Variants in NTM observed in about 807,000 individuals in gnomAD.
The protein encoded by NTM is neurotrimin.
Under a neutral mutation model 42.1 loss-of-function variants are expected in NTM, and 13 were observed. That is an observed-to-expected ratio of 0.31 (90% CI 0.20 to 0.49). The LOEUF (loss-of-function observed/expected upper bound fraction) is 0.49. NTM is among the 20% of genes least tolerant of loss of function. NTM has a pLI of 0.99. For synonymous variants in NTM, 187 were observed against 179.2 expected (o/e 1.04, Z -0.35); for missense variants, 373 against 452.8 (o/e 0.82, Z 1.60).
At chr11:131,615,568 T>C (rs149749940) in intron 1 of NTM, among the ~76,000 whole-genome samples, 2,140 of 152,158 alleles carry the variant, frequency 0.014, 56 homozygotes, top group African/African-American at 0.049. Context: ...TGGGATTTGA[T>C]CTTGTTGGCC....
At chr11:131,998,144 C>T (rs1197093830) in intron 2 of NTM, among the ~76,000 whole-genome samples, 4 of 152,082 alleles carry the variant, frequency 2.6e-5, no homozygotes, top group Non-Finnish European at 4.4e-5. Flanking sequence ...CCTGGTTTTA[C>T]GGGGTCATAA....
rs769740331 is a variant in NTM, at chr11:131,424,600, C to CTTTTTTTTTTTT, written c.82+53719_82+53730dup. Among the ~76,000 whole-genome samples, 107 of 55,994 alleles carry CTTTTTTTTTTTT rather than the reference C, an allele frequency of 1.9e-3. 6 individuals are homozygous for CTTTTTTTTTTTT. Among genetic ancestry groups the CTTTTTTTTTTTT allele is most frequent in the Admixed American group, 2.2e-3 (9 of 4,000 alleles). 36.7% of individuals were successfully genotyped at this position (55,994 alleles called of 152,430 possible). A position where few individuals can be genotyped will look rare whatever the true frequency, so the allele number is the denominator to read the frequency against. ...AGTTGTTTTTTATTTCTTTTCTTTT[C>CTTTTTTTTTTTT]TTTTTTTTTTTTTTTTTTGGCGCAA... is the stretch of plus-strand genomic sequence containing the variant. On this transcript the variant is annotated intron_variant, in intron 1 of 8. Coordinates refer to ENST00000683400, the MANE Select transcript of NTM (RefSeq NM_001352005.2).
At chr11:131,976,623 T>C (rs1853250664) in intron 2 of NTM, among the ~76,000 whole-genome samples, 1 of 152,204 alleles carries the variant, frequency 6.6e-6, no homozygotes, top group African/African-American at 2.4e-5. Flanking sequence ...CAGTCATAAC[T>C]GAAATCACAA....
At chr11:131,487,795 A>G (rs1183405703) in intron 1 of NTM, among the ~76,000 whole-genome samples, 3 of 152,196 alleles carry the variant, frequency 2.0e-5, no homozygotes, top group Admixed American at 1.3e-4. Flanking sequence ...CCATGGAGGA[A>G]GGTCCGCCTG....
At chr11:131,442,624 C>T (rs755261011) in intron 1 of NTM, among the ~76,000 whole-genome samples, 6 of 152,064 alleles carry the variant, frequency 3.9e-5, no homozygotes, top group Non-Finnish European at 5.9e-5. Flanking sequence ...TCTTTATGTC[C>T]ATGTGTACCC....
intron 1 of NTM, among the ~76,000 whole-genome samples, chr11:131,424,600 CTTTTTTTTT>C (rs769740331): frequency 3.0e-4 from 17 of 56,040 alleles, no homozygotes; most frequent in African/African-American, 1.2e-3. Context: ...CTTTTCTTTT[CTTTTTTTTT>C]TTTTTTTTTG....
chr11:132,219,679 T>C (rs143413137), intron 4 of NTM, among the ~76,000 whole-genome samples: 23 of 152,070 alleles, frequency 1.5e-4, no homozygotes, highest in African/African-American at 5.5e-4. Flanking sequence ...CTTTAGACTC[T>C]GTGAAATAGA....
At chr11:131,987,982 A>G (rs1237809007) in intron 2 of NTM, among the ~76,000 whole-genome samples, 1 of 152,222 alleles carries the variant, frequency 6.6e-6, no homozygotes, top group African/African-American at 2.4e-5. Context: ...ACAAAATACC[A>G]GGCTGGGTGG....
At chr11:132,048,105 A>G (rs186473608) in intron 2 of NTM, among the ~76,000 whole-genome samples, 1 of 152,154 alleles carries the variant, frequency 6.6e-6, no homozygotes, top group East Asian at 1.9e-4. Context: ...AGAAGAGACC[A>G]TTCCTTTTTT....
chr11:131,426,238 G>C (rs1224146484), intron 1 of NTM, among the ~76,000 whole-genome samples: 1 of 152,172 alleles, frequency 6.6e-6, no homozygotes, highest in Non-Finnish European at 1.5e-5. Context: ...TGGGAACTGA[G>C]TGCACATCCC....
intron 1 of NTM, among the ~76,000 whole-genome samples, chr11:131,828,806 G>C (rs143931123): frequency 6.6e-6 from 1 of 152,054 alleles, no homozygotes; most frequent in South Asian, 2.1e-4. Context: ...TACCTTCCAA[G>C]TATCAGAGTA....
chr11:131,776,424 G>A (rs1053943165), intron 1 of NTM, among the ~76,000 whole-genome samples: 17 of 152,172 alleles, frequency 1.1e-4, no homozygotes, highest in African/African-American at 4.1e-4. Flanking sequence ...TCCCTGAGAA[G>A]CACGGGCTCA....
intron 7 of NTM, among the ~76,000 whole-genome samples, chr11:132,321,731 T>C (rs993147156): frequency 6.6e-6 from 1 of 150,604 alleles, no homozygotes; most frequent in South Asian, 2.1e-4. Context: ...AATTGTCAGA[T>C]TCACCAAAGT....
At chr11:132,123,742 G>A (rs1479422760) in intron 2 of NTM, among the ~76,000 whole-genome samples, 1 of 152,192 alleles carries the variant, frequency 6.6e-6, no homozygotes, top group Non-Finnish European at 1.5e-5. Flanking sequence ...TCAACAGCCT[G>A]GGCAGGCAAA....
chr11:132,023,882 G>A (rs912358693), intron 2 of NTM, among the ~76,000 whole-genome samples: 33 of 151,854 alleles, frequency 2.2e-4, no homozygotes, highest in African/African-American at 7.7e-4. Context: ...GCAGTGGCGC[G>A]ATCTCGGCTC....
intron 1 of NTM, among the ~76,000 whole-genome samples, chr11:131,686,608 T>A (rs143166722): frequency 6.6e-6 from 1 of 152,218 alleles, no homozygotes; most frequent in African/African-American, 2.4e-5. Flanking sequence ...GCACTCTTGG[T>A]GTAACTTTTA....
At chr11:131,601,867 TACTGGAGTGAGC>T (rs2137428548) in intron 1 of NTM, among the ~76,000 whole-genome samples, 1 of 152,320 alleles carries the variant, frequency 6.6e-6, no homozygotes, top group East Asian at 1.9e-4. Flanking sequence ...TATTCTAGAA[TACTGGAGTGAGC>T]ACTGTCTGAA....
chr11:131,749,124 G>A (rs938300501), intron 1 of NTM, among the ~76,000 whole-genome samples: 1 of 152,210 alleles, frequency 6.6e-6, no homozygotes, highest in African/African-American at 2.4e-5. Flanking sequence ...TACAACAGAT[G>A]CAGCCAACTT....
chr11:132,023,781 T>G (rs4937669), intron 2 of NTM, among the ~76,000 whole-genome samples: 87,576 of 134,716 alleles, frequency 0.65, 27,085 homozygotes, highest in East Asian at 0.95. Flanking sequence ...TTTGTTGTTG[T>G]TGGTGGTTTT....
Sources: gnomAD v4.1 joint callset for allele counts (sites outside exome capture counted in the v4.1 genomes callset) on GRCh38, gnomAD v4.1.1 for gene constraint, MANE v1.5 for transcripts, NCBI Gene and HGNC (gene_info 2026-07-23, HGNC 2026-07-21) for gene names.